The following IFNGR1 variants were observed in gnomAD, a reference collection of about 807,000 sequenced individuals.
The protein encoded by IFNGR1 is AVP, type 2.
A neutral mutation model predicts 35.4 loss-of-function variants in IFNGR1; 23 were observed. That is an observed-to-expected ratio of 0.65 (90% CI 0.47 to 0.92). The LOEUF (loss-of-function observed/expected upper bound fraction) is 0.92, where lower values mean the gene tolerates loss of function less well. Ranked by LOEUF, IFNGR1 falls within the 40% of genes least tolerant of loss-of-function variation. The pLI, the probability that IFNGR1 is intolerant of heterozygous loss-of-function variation, is 0.00. For missense variants in IFNGR1, 533 were observed against 583.4 expected (o/e 0.91, Z 0.89); for synonymous variants, 199 against 209.5 (o/e 0.95, Z 0.43).
At position 137,198,451 on chromosome 6, in the gene IFNGR1, A is replaced by G. The variant is rs11914; in HGVS notation, c.1050T>C (p.Ser350=). 3 of 1,614,054 alleles carry G rather than the reference A, an allele frequency of 1.9e-6. No homozygotes were observed. The highest frequency in any genetic ancestry group is 1.6e-4 in the Middle Eastern group (1 of 6,062). Residue 350 remains serine, a synonymous_variant, in exon 7 of 7, where the codon TCT becomes TCC. Coordinates refer to ENST00000367739, the MANE Select transcript of IFNGR1 (RefSeq NM_000416.3). ...CAGTAGTCACCACTTCTGTTATACT[A>G]GAAAGTTCTTCTGTATGTTCCACTT... ...PGKVEHTEEL[S]SITEVVTTEE... is the part of the protein sequence containing the mutation.
In IFNGR1 at chr6:137,206,316, G is replaced by C; in HGVS notation, c.201-8C>G. ...CATTCTGAATTCTTAACACTAAAAA[G>C]AATAAAAAAATGCGAAGATAACTTT... On this transcript the variant is annotated splice_polypyrimidine_tract_variant and splice_region_variant and intron_variant, in intron 2 of 6. Transcript: ENST00000367739. 1.9e-6 allele frequency: 3 copies of C among 1,582,812 alleles called. No individual in the cohort carries two copies. Among genetic ancestry groups the C allele is most frequent in the Non-Finnish European group, 1.7e-6 (2 of 1,152,970 alleles).
chr6:137,215,478 T>C (rs370102348), intron 1 of IFNGR1: 95 of 633,746 alleles, frequency 1.5e-4, no homozygotes, highest in East Asian at 9.6e-4. Flanking sequence ...TAGGATAATC[T>C]AAAATAAAGG....
chr6:137,212,207 C>T (rs1779591514), intron 1 of IFNGR1, among the ~76,000 whole-genome samples: 1 of 152,142 alleles, frequency 6.6e-6, no homozygotes, highest in East Asian at 1.9e-4. Flanking sequence ...ATAGCAAGGA[C>T]CCCCCTTCCT....
chr6:137,200,795 T>A lies in IFNGR1; in HGVS notation c.861+86A>T, dbSNP rs1779259299. On this transcript the variant is annotated intron_variant, in intron 6 of 6. Coordinates refer to ENST00000367739, the MANE Select transcript of IFNGR1 (RefSeq NM_000416.3). ...GCAGGTGACATCTTGTTGAATATCA[T>A]TCTACTTTAAAAACATAATTTAAGA... 2.6e-6 allele frequency: 3 copies of A among 1,155,818 alleles called. No homozygotes were observed. In the East Asian group the frequency reaches 7.8e-5, roughly 30 times the overall value. The allele number at this position is 1,155,818 out of a possible 1,614,324, so 71.6% of individuals were successfully genotyped here.
At chr6:137,206,763 T>C (rs1779439863) in intron 2 of IFNGR1, 200 bp downstream of exon 2, 1 of 587,106 alleles carries the variant, frequency 1.7e-6, no homozygotes, top group Non-Finnish European at 3.0e-6. Context: ...TACTTCTCTA[T>C]TTCAATACTG....
intron 1 of IFNGR1, among the ~76,000 whole-genome samples, chr6:137,208,054 G>C (rs1344902554): frequency 6.6e-6 from 1 of 152,196 alleles, no homozygotes; most frequent in Admixed American, 6.5e-5. Flanking sequence ...GGGAACTGGA[G>C]CAAAGGTGAC....
rs758608616 is a variant in IFNGR1 at position 137,219,282 on chromosome 6, T to G, written c.46A>C (p.Arg16=). 6.2e-7 allele frequency: 1 copy of G among 1,611,992 alleles called. No individual in the cohort carries two copies. Among genetic ancestry groups the G allele is most frequent in the South Asian group, 1.1e-5 (1 of 90,488 alleles). Residue 16 remains arginine, a synonymous_variant, in exon 1 of 7, where the codon AGG becomes CGG. Transcript: ENST00000367739. The stretch of plus-strand genomic sequence containing the variant: ...AGATCCGCGGTGCCCATCTCAGCCC[T>G]GCTCACACCCTGCATGACAAGGGGT... ...LLPLVMQGVS[R]AEMGTADLGP...
In IFNGR1 at chr6:137,198,229, G is replaced by A. The variant is rs769273978; in HGVS notation, c.1272C>T (p.Ser424=). The A allele has an allele frequency of 6.2e-6, 10 of 1,613,966 alleles. No homozygotes were observed. The Admixed American group carries it at 1.3e-4, about 22-fold the overall frequency. Residue 424 remains serine, a synonymous_variant, in exon 7 of 7, where the codon TCC becomes TCT. Coordinates refer to ENST00000367739, the MANE Select transcript of IFNGR1 (RefSeq NM_000416.3). ...TTGGGGGAAATTCTGAGTCAGATAA[G>A]GAGCTATGTGATTCCAGACAGCTGG... ...TDSSCLESHS[S]LSDSEFPPNN...
rs1779379582 is a variant in IFNGR1 at position 137,204,444 on chromosome 6, A to G, written c.434T>C (p.Ile145Thr). Residue 145 changes from isoleucine to threonine, a missense_variant, in exon 4 of 7, where the codon ATA becomes ACA. Ile to Thr is a moderately conservative substitution (Grantham distance 89). Transcript: ENST00000367739. The part of the protein sequence containing the change: ...RKEEKQIMID[I>T]FHPSVFVNGD... ...ATTTACAAAAACTGAAGGGTGAAAT[A>G]TGTCAATCATGATTTGCTTCTCCTC... 2 of 1,613,962 alleles carry G rather than the reference A, an allele frequency of 1.2e-6. No homozygotes were observed. Among genetic ancestry groups the G allele is most frequent in the Admixed American group, 3.3e-5 (2 of 60,032 alleles).
intron 1 of IFNGR1, among the ~76,000 whole-genome samples, chr6:137,212,693 G>C (rs1779605289): frequency 6.6e-6 from 1 of 152,192 alleles, no homozygotes; most frequent in African/African-American, 2.4e-5. Flanking sequence ...TTGTACTTAG[G>C]AAGGGGCTAC....
At chr6:137,206,639 C>T in intron 2 of IFNGR1, 1 of 385,886 alleles carries the variant, frequency 2.6e-6, no homozygotes. Context: ...AAAAAACTAA[C>T]AGTTGTCAAA....
intron 1 of IFNGR1, chr6:137,218,718 A>G (rs1450265820): frequency 5.7e-6 from 2 of 350,956 alleles, no homozygotes; most frequent in African/African-American, 4.3e-5. Context: ...GAAATGGAGA[A>G]ATGTCCCCTT....
At chr6:137,201,749 C>T (rs1048386133) in intron 5 of IFNGR1, among the ~76,000 whole-genome samples, 10 of 152,102 alleles carry the variant, frequency 6.6e-5, no homozygotes, top group African/African-American at 9.7e-5. Context: ...TTTAGCCCCA[C>T]TCCTCAGAAT....
At chr6:137,209,324 TTGAAATGTAAGGACA>T (rs1333328535) in intron 1 of IFNGR1, among the ~76,000 whole-genome samples, 1 of 152,154 alleles carries the variant, frequency 6.6e-6, no homozygotes, top group Admixed American at 6.5e-5. Flanking sequence ...ATGATTGGTT[TTGAAATGTAAGGACA>T]TGAGATTTGG....
intron 4 of IFNGR1, 75 bp downstream of exon 4, chr6:137,204,257 T>C: frequency 1.7e-6 from 2 of 1,201,482 alleles, no homozygotes; most frequent in Non-Finnish European, 2.5e-6. Flanking sequence ...CATCCTATTT[T>C]CATTACACTA....
intron 1 of IFNGR1, among the ~76,000 whole-genome samples, chr6:137,208,438 G>A (rs538820796): frequency 2.0e-4 from 30 of 152,300 alleles, no homozygotes; most frequent in Non-Finnish European, 2.6e-4. Context: ...TCACAGGCCC[G>A]GAGGCCTAGG....
rs1167167605 is a variant in IFNGR1, at chr6:137,218,423, A to T, written c.85+820T>A. ...AAGCAGGTGGAAATAAAATGCTCCG[A>T]AGAACAAACCCGTACGAAGAGACCT... On this transcript the variant is annotated intron_variant, in intron 1 of 6. Coordinates refer to ENST00000367739, the MANE Select transcript of IFNGR1 (RefSeq NM_000416.3). The T allele has an allele frequency of 2.6e-6, 3 of 1,140,622 alleles. No homozygotes were observed. The Admixed American group carries it at 6.9e-5, about 26-fold the overall frequency. 70.7% of individuals were successfully genotyped at this position (1,140,622 alleles called of 1,614,324 possible).
rs41449844 is a variant in IFNGR1 at position 137,203,703 on chromosome 6, A to T, written c.547-18T>A. 1.2e-6 allele frequency: 2 copies of T among 1,606,646 alleles called. No homozygotes were observed. The highest frequency in any genetic ancestry group is 3.4e-5 in the Admixed American group (2 of 59,500). On this transcript the variant is annotated intron_variant, in intron 4 of 6. Transcript: ENST00000367739. ...TACTGGATCTAGATGAAAAAAGAAAACAGTGAAAATGCACAGCTTCTTTTA... is the reference window on the plus strand; with the variant it reads ...TACTGGATCTAGATGAAAAAAGAAATCAGTGAAAATGCACAGCTTCTTTTA...
intron 1 of IFNGR1, among the ~76,000 whole-genome samples, chr6:137,216,606 C>T (rs1779702163): frequency 6.6e-6 from 1 of 152,138 alleles, no homozygotes; most frequent in Non-Finnish European, 1.5e-5. Context: ...GAGTCAAGCC[C>T]AGCAACAGTA....
Sources: allele counts gnomAD v4.1 joint callset (sites outside exome capture counted in the v4.1 genomes callset), GRCh38; gene constraint gnomAD v4.1.1; transcripts MANE v1.5; gene names NCBI Gene and HGNC (gene_info 2026-07-23, HGNC 2026-07-21).